Variants in NBPF12 observed in about 807,000 individuals in gnomAD.
The protein encoded by NBPF12 is NBPF member 12.
NBPF12 carries 115 observed loss-of-function variants against 146.4 expected under a neutral mutation model. The ratio of observed to expected loss-of-function variants is 0.79; its 90% CI spans 0.68 to 0.92. The LOEUF is 0.92. Among genes scored for constraint, NBPF12 ranks in the 40% least tolerant of loss-of-function variants. The pLI, the probability that NBPF12 is intolerant of heterozygous loss-of-function variation, is 0.00. For missense variants in NBPF12, 1,205 were observed against 1,326.8 expected, an observed-to-expected ratio of 0.91 and a Z score of 1.43; for synonymous variants, 385 against 508.9, an observed-to-expected ratio of 0.76 and a Z score of 3.28.
chr1:146,960,007 G>C lies in NBPF12; in HGVS notation c.-36+1G>C. ...GGGAGTGATCACATTTTTCACAACA[G>C]TAAGTTAAGAATTTCAGTTACTGAC... On this transcript the variant is annotated splice_donor_variant, in intron 3 of 33. Transcript: ENST00000617844. LOFTEE classifies it low-confidence loss of function (5UTR_SPLICE). The C allele has an allele frequency of 2.6e-6, 1 of 379,476 alleles. No homozygotes were observed. The highest frequency in any genetic ancestry group is 4.4e-6 in the Non-Finnish European group (1 of 225,884). The allele number at this position is 379,476 out of a possible 1,614,324, so 23.5% of individuals were successfully genotyped here.
At chr1:146,980,660 G>A (rs1424680712) in intron 19 of NBPF12, among the ~76,000 whole-genome samples, 15 of 151,990 alleles carry the variant, frequency 9.9e-5, no homozygotes, top group Admixed American at 3.3e-4. Flanking sequence ...TGGAGAAATC[G>A]AACACTTTTA....
chr1:146,982,973 G>A lies in NBPF12; in HGVS notation c.2496G>A (p.Trp832Ter), dbSNP rs1657486477. ...AGGAGGAAGTCCCCCAGGAGTCCTG[G>A]GATGAAGGTTATTCGACTCTCTCAA... Residue 832 changes from tryptophan (W) to a stop codon, truncating the protein, a stop_gained, in exon 20 of 34, where the codon TGG (tryptophan) becomes TGA (stop). Transcript: ENST00000617844. LOFTEE classifies it high-confidence loss of function. 2.5e-6 allele frequency: 4 copies of A among 1,609,038 alleles called. No homozygotes were observed. In the South Asian group the frequency reaches 3.3e-5, roughly 13 times the overall value.
chr1:146,964,745 G>C (rs1240176105), intron 7 of NBPF12, 148 bp from the exon 11 acceptor site: 63 of 1,246,476 alleles, frequency 5.1e-5, no homozygotes, highest in Non-Finnish European at 7.2e-5. Context: ...GAGAGAAGAG[G>C]ATTGCCTGTT....
At chr1:146,995,941 C>G (rs1490820544) in exon 34 of NBPF12, 4 of 150,716 alleles carry the variant, frequency 2.7e-5, no homozygotes, top group Non-Finnish European at 5.9e-5. Flanking sequence ...ATATACATAT[C>G]TCTACGCTGC....
chr1:146,984,059 A>T lies in NBPF12; in HGVS notation c.2615-75A>T, dbSNP rs1319433467. 3 of 685,214 alleles carry T rather than the reference A, an allele frequency of 4.4e-6. No individual in the cohort carries two copies. In the African/African-American group the frequency reaches 5.7e-5, roughly 13 times the overall value. 42.4% of individuals were successfully genotyped at this position (685,214 alleles called of 1,614,324 possible). A position where few individuals can be genotyped will look rare whatever the true frequency, so the allele number is the denominator to read the frequency against. ...ACAAGACTGATGTCCCTGTGTTAGGATTGGACAGAGGAATGTTTCTGTGTG... is the reference window on the plus strand; with the variant it reads ...ACAAGACTGATGTCCCTGTGTTAGGTTTGGACAGAGGAATGTTTCTGTGTG... On this transcript the variant is annotated intron_variant, in intron 20 of 33. Transcript: ENST00000617844.
chr1:146,995,494 T>G (rs1658487921), exon 34 of NBPF12: 1 of 150,468 alleles, frequency 6.6e-6, no homozygotes, highest in Non-Finnish European at 1.5e-5. Flanking sequence ...GTAGCTGCAT[T>G]TCTTTAGTTA....
intron 21 of NBPF12, among the ~76,000 whole-genome samples, chr1:146,984,571 C>T (rs1263612579): frequency 7.0e-6 from 1 of 142,346 alleles, no homozygotes; most frequent in Non-Finnish European, 1.5e-5. Context: ...ATTGACTGAG[C>T]TCACACTGTG....
intron 31 of NBPF12, 34 bp from the exon 35 acceptor site, chr1:146,992,678 C>G (rs1184358184): frequency 5.4e-6 from 4 of 741,616 alleles, no homozygotes; most frequent in Admixed American, 3.9e-5. Flanking sequence ...CTGATTTCCC[C>G]TGGCTTATTC....
chr1:146,948,353 G>T (rs1305743431), upstream of NBPF12, among the ~76,000 whole-genome samples: 1 of 151,834 alleles, frequency 6.6e-6, no homozygotes, highest in African/African-American at 2.4e-5. Context: ...TACTGTGTCT[G>T]TGTAGGAAGA....
At chr1:146,966,521 T>G (rs1419986669) in exon 9 of NBPF12, 13 of 1,483,490 alleles carry the variant, frequency 8.8e-6, no homozygotes, top group South Asian at 4.5e-5. Flanking sequence ...GCCGGCCCTT[T>G]GTCCAGCGAG....
exon 34 of NBPF12, chr1:146,994,893 G>A (rs1658449139): frequency 2.2e-6 from 1 of 448,450 alleles, no homozygotes; most frequent in South Asian, 2.2e-5. Context: ...GCATGTCTCT[G>A]AGCTTCTATA....
intron 33 of NBPF12, 124 bp from the exon 37 acceptor site, chr1:146,994,208 C>A: frequency 1.3e-6 from 2 of 1,590,442 alleles, no homozygotes; most frequent in Non-Finnish European, 1.7e-6. Context: ...TAATTTGTTA[C>A]CTCATTAATG....
chr1:146,942,077 CA>C, intron 1 of NBPF12, among the ~76,000 whole-genome samples: 1 of 150,490 alleles, frequency 6.6e-6, no homozygotes, highest in East Asian at 2.0e-4. Flanking sequence ...AGGTTGGTCT[CA>C]AACCCTTGGG....
intron 8 of NBPF12, among the ~76,000 whole-genome samples, chr1:146,965,608 C>T (rs1177098490): frequency 5.5e-5 from 8 of 144,698 alleles, no homozygotes; most frequent in Non-Finnish European, 1.0e-4. Flanking sequence ...CGGTGAAACC[C>T]CGTCTTTACT....
At chr1:146,964,987 A>G in exon 8 of NBPF12, 1 of 1,607,332 alleles carries the variant, frequency 6.2e-7, no homozygotes, top group South Asian at 1.1e-5. Flanking sequence ...TTGTGACTCC[A>G]TCCAGCCTCA....
upstream of NBPF12, among the ~76,000 whole-genome samples, chr1:146,949,160 CTCCGTATGCGT>C (rs1655214823): frequency 6.6e-6 from 1 of 151,646 alleles, no homozygotes; most frequent in Non-Finnish European, 1.5e-5. Flanking sequence ...GGCATGGGTC[CTCCGTATGCGT>C]TCAGCATACG....
chr1:146,976,277 C>T (rs1477158460), intron 16 of NBPF12, among the ~76,000 whole-genome samples: 1 of 150,850 alleles, frequency 6.6e-6, no homozygotes, highest in East Asian at 2.0e-4. Context: ...AATGACTTGT[C>T]CTTCCTGAGT....
intron 18 of NBPF12, among the ~76,000 whole-genome samples, 161 bp downstream of exon 21, chr1:146,977,832 C>A (rs1156929807): frequency 5.3e-5 from 8 of 152,108 alleles, no homozygotes; most frequent in South Asian, 2.1e-4. Flanking sequence ...TAATGTCATG[C>A]CTTTGTCTGC....
intron 13 of NBPF12, among the ~76,000 whole-genome samples, chr1:146,972,086 T>TAA (rs1187228872): frequency 8.3e-6 from 1 of 120,984 alleles, no homozygotes. Context: ...AGACTCCATC[T>TAA]AAAAAAAAAA....
Sources: allele counts gnomAD v4.1 joint callset (sites outside exome capture counted in the v4.1 genomes callset), GRCh38; gene constraint gnomAD v4.1.1; transcripts MANE v1.5; gene names NCBI Gene and HGNC (gene_info 2026-07-23, HGNC 2026-07-21).